The following PHF19 variants were observed in gnomAD, a reference collection of about 807,000 sequenced individuals.
PHF19 encodes the protein polycomb like 3.
A neutral mutation model predicts 79.8 loss-of-function variants in PHF19; 21 were observed. That is an observed-to-expected ratio of 0.26 (90% CI 0.19 to 0.38). PHF19 has a LOEUF of 0.38. Ranked by LOEUF, PHF19 falls within the 10% of genes least tolerant of loss-of-function variation. The pLI is 1.00. For synonymous variants in PHF19, 273 were observed against 296.3 expected (o/e 0.92, Z 0.81); for missense variants, 445 against 744.2 (o/e 0.60, Z 4.68).
intron 1 of PHF19, among the ~76,000 whole-genome samples, chr9:120,890,659 A>T (rs1385265040): frequency 6.6e-6 from 1 of 152,202 alleles, no homozygotes; most frequent in East Asian, 1.9e-4. Flanking sequence ...AATGATTTCA[A>T]AGGGCATGGG....
chr9:120,871,836 G>A (rs547756118), intron 3 of PHF19, among the ~76,000 whole-genome samples: 4 of 151,894 alleles, frequency 2.6e-5, no homozygotes, highest in South Asian at 2.1e-4. Context: ...TCACGAGTTC[G>A]AGACCAGCCT....
intron 1 of PHF19, among the ~76,000 whole-genome samples, chr9:120,882,358 A>G (rs2046198834): frequency 1.3e-5 from 2 of 152,260 alleles, no homozygotes; most frequent in Admixed American, 1.3e-4. Flanking sequence ...AATTTGGAAA[A>G]TGTCAAAAAG....
At chr9:120,880,913 TTG>T (rs1588130609), upstream of PHF19, among the ~76,000 whole-genome samples, 1 of 152,084 alleles carries the variant, frequency 6.6e-6, no homozygotes, top group African/African-American at 2.4e-5. Flanking sequence ...TAAGCCATGA[TTG>T]TGCCACTGCA....
chr9:120,895,494 A>G (rs984508834), upstream of PHF19, among the ~76,000 whole-genome samples: 2 of 151,794 alleles, frequency 1.3e-5, no homozygotes, highest in African/African-American at 4.8e-5. Flanking sequence ...ATAAAATAAG[A>G]AAACAAAAAA....
At chr9:120,884,754 CAAA>C (rs57387656) in intron 1 of PHF19, among the ~76,000 whole-genome samples, 37 of 127,030 alleles carry the variant, frequency 2.9e-4, no homozygotes, top group South Asian at 7.5e-4. Context: ...CCAAAAAATA[CAAA>C]AAAAAAAAAA....
chr9:120,869,419 C>CA lies in PHF19; in HGVS notation c.466-90dup. ...GGCTGTCTATTGAGGGAAGTGCTGC[C>CA]AGGGCTTGGGGGACCCGCAGATATT... On this transcript the variant is annotated intron_variant, in intron 5 of 14. Transcript: ENST00000373896. This position sits in a 1 kb window ranked among gnomAD's most constrained non-coding sequence, Gnocchi z 5.8. The CA allele has an allele frequency of 6.8e-7, 1 of 1,463,100 alleles. No homozygotes were observed. The highest frequency in any genetic ancestry group is 9.2e-7 in the Non-Finnish European group (1 of 1,085,012). The allele number at this position is 1,463,100 out of a possible 1,614,324, so 90.6% of individuals were successfully genotyped here.
At position 120,870,519 on chromosome 9, in the gene PHF19, C is replaced by T. The variant is rs767232430; in HGVS notation, c.288G>A (p.Glu96=). Residue 96 remains glutamate, a synonymous_variant, in exon 4 of 15, where the codon GAG becomes GAA. Transcript: ENST00000373896. The surrounding 1 kb of genome is among the most constrained non-coding windows in gnomAD (Gnocchi z 4.4). ...TCCCTAGGCAGATGTTGCACTTGGGCTCCTCTCCTGGAACACCGGCTGAAA... is the reference window on the plus strand; with the variant it reads ...TCCCTAGGCAGATGTTGCACTTGGGTTCCTCTCCTGGAACACCGGCTGAAA... ...DIQHAGVPGE[E]PKCNICLGKT... The T allele has an allele frequency of 5.5e-5, 89 of 1,610,850 alleles. No individual in the cohort carries two copies. The highest frequency in any genetic ancestry group is 6.7e-5 in the Non-Finnish European group (79 of 1,177,086).
chr9:120,873,610 T>C (rs1420749501), intron 3 of PHF19, among the ~76,000 whole-genome samples: 1 of 152,258 alleles, frequency 6.6e-6, no homozygotes, highest in Admixed American at 6.5e-5. Context: ...TCTGAATACC[T>C]GGGCACGCCC....
At position 120,866,744 on chromosome 9, in the gene PHF19, T is replaced by TA; in HGVS notation, c.710+125dup. On this transcript the variant is annotated intron_variant, in intron 7 of 14. Transcript: ENST00000373896. This position sits in a 1 kb window ranked among gnomAD's most constrained non-coding sequence, Gnocchi z 5.2. ...CCTTGAGCTGCCTCCAGTAAACAGG[T>TA]AGGCATACATTGTCACAGACCTCCT... 1.5e-6 allele frequency: 1 copy of TA among 651,220 alleles called. No individual in the cohort carries two copies. The highest frequency in any genetic ancestry group is 1.8e-5 in the South Asian group (1 of 56,120). The allele number at this position is 651,220 out of a possible 1,614,324, so 40.3% of individuals were successfully genotyped here.
chr9:120,898,317 A>T (rs571345750), upstream of PHF19, among the ~76,000 whole-genome samples: 709 of 152,280 alleles, frequency 4.7e-3, 3 homozygotes, highest in Non-Finnish European at 8.6e-3. Context: ...GGGTTTTGCC[A>T]TGTTGGCCAG....
Position 120,858,126 on chromosome 9 carries a change from TG to T in PHF19, c.1560del (p.His520GlnfsTer63). 6.2e-7 allele frequency: 1 copy of T among 1,614,022 alleles called. No homozygotes were observed. Among genetic ancestry groups the T allele is most frequent in the Non-Finnish European group, 8.5e-7 (1 of 1,179,868 alleles). On this transcript the variant is annotated frameshift_variant, in exon 15 of 15. Coordinates refer to ENST00000373896, the MANE Select transcript of PHF19 (RefSeq NM_015651.3). LOFTEE classifies it high-confidence loss of function. Reference protein sequence around the residue: ...PERPDEGIDSHTFESISEDDS... With the variant: ...PERPDEGIDSXTFESISEDDS... ...TCATCTTCACTGATGCTCTCAAATG[TG>T]TGGCTGTCAATGCCTTCGTCTGGCC...
At chr9:120,901,074 C>T in the PHF19 span, among the ~76,000 whole-genome samples, 1 of 152,238 alleles carries the variant, frequency 6.6e-6, no homozygotes, top group South Asian at 2.1e-4. Flanking sequence ...TACCACAGGG[C>T]TTGCCCTTTG....
chr9:120,873,641 C>T (rs968789837), intron 3 of PHF19, among the ~76,000 whole-genome samples: 1 of 152,238 alleles, frequency 6.6e-6, no homozygotes, highest in Non-Finnish European at 1.5e-5. Context: ...CCCAGACTGA[C>T]GCAGAGCTTT....
chr9:120,878,765 G>A (rs1456588937), upstream of PHF19, among the ~76,000 whole-genome samples: 2 of 152,230 alleles, frequency 1.3e-5, no homozygotes, highest in African/African-American at 4.8e-5. Context: ...GAACCTGGAA[G>A]GAAAGCCTGG....
chr9:120,892,677 C>T (rs1381572364), intron 1 of PHF19, among the ~76,000 whole-genome samples: 1 of 152,122 alleles, frequency 6.6e-6, no homozygotes, highest in Non-Finnish European at 1.5e-5. Context: ...CTGACCTTTC[C>T]AACTTCTGTT....
upstream of PHF19, among the ~76,000 whole-genome samples, chr9:120,879,932 G>A (rs1381949278): frequency 6.6e-6 from 1 of 151,124 alleles, no homozygotes; most frequent in African/African-American, 2.4e-5. Flanking sequence ...CGTGAGAGAC[G>A]CAAATGAAGA....
At chr9:120,888,104 C>T (rs1023917548) in intron 1 of PHF19, among the ~76,000 whole-genome samples, 1 of 152,248 alleles carries the variant, frequency 6.6e-6, no homozygotes, top group East Asian at 1.9e-4. Flanking sequence ...TCCCAAGTAG[C>T]TGGGACTACA....
chr9:120,874,774 G>A lies in PHF19; in HGVS notation c.-15-18C>T. ...CCCTGACACTGGGAGAGAAAGAACAGGGTTTTTGCTTCTTGCTTCCCTGCT... is the reference window on the plus strand; with the variant it reads ...CCCTGACACTGGGAGAGAAAGAACAAGGTTTTTGCTTCTTGCTTCCCTGCT... On this transcript the variant is annotated intron_variant, in intron 1 of 14. Transcript: ENST00000373896. The surrounding 1 kb of genome is among the most constrained non-coding windows in gnomAD (Gnocchi z 4.5). The A allele has an allele frequency of 6.4e-7, 1 of 1,568,524 alleles. No homozygotes were observed. Among genetic ancestry groups the A allele is most frequent in the Non-Finnish European group, 8.7e-7 (1 of 1,143,756 alleles).
chr9:120,894,775 C>G (rs990960448), intron 1 of PHF19: 88 of 1,226,316 alleles, frequency 7.2e-5, no homozygotes, highest in Non-Finnish European at 8.6e-5. Flanking sequence ...TCTTGTCGAT[C>G]TCCCGGACCC....
Sources: gnomAD v4.1 joint callset for allele counts (sites outside exome capture counted in the v4.1 genomes callset) on GRCh38, gnomAD v4.1.1 for gene constraint, Gnocchi (gnomAD v3.1) non-coding constraint, MANE v1.5 for transcripts, NCBI Gene and HGNC (gene_info 2026-07-23, HGNC 2026-07-21) for gene names.